STOX2: variants seen among roughly 807,000 people sequenced by gnomAD.
STOX2 encodes storkhead-box protein 2.
In STOX2, 28 loss-of-function variants were observed where a neutral mutation model predicts 60.9. The ratio of observed to expected loss-of-function variants is 0.46; its 90% CI spans 0.34 to 0.63. The LOEUF (loss-of-function observed/expected upper bound fraction) is 0.63. Among genes scored for constraint, STOX2 ranks in the 30% least tolerant of loss-of-function variants. STOX2 has a pLI of 0.01. For synonymous variants in STOX2, 472 were observed against 463.9 expected (o/e 1.02, Z -0.22); for missense variants, 1,024 against 1,187.7 (o/e 0.86, Z 2.03).
At chr4:183,861,481 A>C (rs1433827044) in intron 1 of STOX2, among the ~76,000 whole-genome samples, 1 of 152,210 alleles carries the variant, frequency 6.6e-6, no homozygotes, top group Non-Finnish European at 1.5e-5. Flanking sequence ...AGAGACAAGG[A>C]CACCTCAAAA....
At chr4:183,892,790 C>G (rs930997799) in intron 1 of STOX2, among the ~76,000 whole-genome samples, 1 of 152,008 alleles carries the variant, frequency 6.6e-6, no homozygotes, top group Non-Finnish European at 1.5e-5. Flanking sequence ...GTTCCAGAGT[C>G]TGAGTTTAGG....
chr4:183,894,582 A>G lies in STOX2; in HGVS notation c.364+96527A>G, dbSNP rs116704222. On this transcript the variant is annotated intron_variant, in intron 1 of 2. Coordinates refer to the STOX2 transcript ENST00000513034. ...TTTTTTTAACAGTTATTGAAATTTG[A>G]TAAAGCAGGAAACTATTTGAGCTTT... Among the ~76,000 whole-genome samples, 1,158 of 152,180 alleles carry G rather than the reference A, an allele frequency of 7.6e-3. 15 individuals carry two copies. The highest frequency in any genetic ancestry group is 0.027 in the African/African-American group (1,103 of 41,528).
intron 1 of STOX2, among the ~76,000 whole-genome samples, chr4:183,886,018 G>A (rs993329633): frequency 5.9e-5 from 9 of 152,306 alleles, no homozygotes; most frequent in South Asian, 2.1e-4. Context: ...TCCAGAGGGC[G>A]AAGGTTCAGA....
chr4:183,836,158 A>G lies in STOX2; in HGVS notation c.364+38103A>G, dbSNP rs1024345135. 1.3e-5 allele frequency among the ~76,000 whole-genome samples: 2 copies of G among 152,158 alleles called. No individual in the cohort carries two copies. The highest frequency in any genetic ancestry group is 4.8e-5 in the African/African-American group (2 of 41,426). ...TTCATGTGCTTTTTGGCTGTTTATC[A>G]TAGCCTTTGGAGAAATGTCTGTTCA... is the stretch of plus-strand genomic sequence containing the variant. On this transcript the variant is annotated intron_variant, in intron 1 of 2. Coordinates refer to the STOX2 transcript ENST00000513034. The surrounding 1 kb of genome is among the most constrained non-coding windows in gnomAD (Gnocchi z 4.1).
intron 1 of STOX2, among the ~76,000 whole-genome samples, chr4:183,956,712 CTA>C (rs1743261412): frequency 6.6e-6 from 1 of 152,096 alleles, no homozygotes. Flanking sequence ...ATAATATCGT[CTA>C]TAACTGTTTT....
chr4:183,995,312 TTTTTTTTTTTTG>T (rs1398166302), intron 1 of STOX2, among the ~76,000 whole-genome samples: 17 of 47,984 alleles, frequency 3.5e-4, no homozygotes, highest in South Asian at 6.4e-4. Flanking sequence ...TTTTTTTTTT[TTTTTTTTTTTTG>T]CACAAATAGA....
rs998337903 is a variant in STOX2, at chr4:184,018,446, G to C, written c.*1162G>C. 3 of 137,224 alleles carry C rather than the reference G, an allele frequency of 2.2e-5. No individual in the cohort carries two copies. The East Asian group carries it at 6.0e-4, about 27-fold the overall frequency. 8.5% of individuals were successfully genotyped at this position (137,224 alleles called of 1,614,324 possible). On this transcript the variant is annotated 3_prime_UTR_variant, in exon 4 of 4. Transcript: ENST00000308497. The stretch of plus-strand genomic sequence containing the variant: ...AGAGAAAACTTTTAAAATAATTTTT[G>C]ATTAGAAATATACATGTGCCCATGT...
intron 1 of STOX2, among the ~76,000 whole-genome samples, chr4:183,850,418 T>C (rs1358031820): frequency 9.2e-5 from 14 of 152,198 alleles, no homozygotes; most frequent in Non-Finnish European, 2.1e-4. Context: ...TTGATACTTA[T>C]GAGATTTCTT....
intron 1 of STOX2, among the ~76,000 whole-genome samples, chr4:183,824,728 T>C (rs555745486): frequency 1.3e-5 from 2 of 152,324 alleles, no homozygotes; most frequent in East Asian, 3.9e-4. Flanking sequence ...AAGATTTATT[T>C]AGTATGTATT....
chr4:183,992,494 G>A (rs1733155071), intron 1 of STOX2, among the ~76,000 whole-genome samples: 1 of 152,234 alleles, frequency 6.6e-6, no homozygotes, highest in Non-Finnish European at 1.5e-5. Context: ...GCTGCAGAAT[G>A]AACATGAAGG....
At chr4:183,956,945 G>C (rs985379723) in intron 1 of STOX2, among the ~76,000 whole-genome samples, 1 of 138,596 alleles carries the variant, frequency 7.2e-6, no homozygotes, top group Non-Finnish European at 1.5e-5. Flanking sequence ...TTTTTTGCAA[G>C]AATACTGTGT....
chr4:183,817,949 CA>C (rs1739189620), intron 1 of STOX2, among the ~76,000 whole-genome samples: 1 of 152,068 alleles, frequency 6.6e-6, no homozygotes, highest in African/African-American at 2.4e-5. Flanking sequence ...CCACCTCACG[CA>C]GCAGAACACT....
chr4:183,836,688 G>A lies in STOX2; in HGVS notation c.364+38633G>A, dbSNP rs540070777. Among the ~76,000 whole-genome samples the A allele has an allele frequency of 7.9e-5, 12 of 152,274 alleles. No homozygotes were observed. Among genetic ancestry groups the A allele is most frequent in the East Asian group, 3.9e-4 (2 of 5,178 alleles). ...ATCAGCAGTGTCCATCGCAGTCACC[G>A]TCTCCCATTTCGTGGCAGGGTCAGT... On this transcript the variant is annotated intron_variant, in intron 1 of 2. Coordinates refer to the STOX2 transcript ENST00000513034. This position sits in a 1 kb window ranked among gnomAD's most constrained non-coding sequence, Gnocchi z 4.1.
intron 1 of STOX2, among the ~76,000 whole-genome samples, chr4:183,960,075 T>A (rs1743367605): frequency 6.6e-6 from 1 of 152,224 alleles, no homozygotes; most frequent in Admixed American, 6.5e-5. Context: ...AAAAGTAATA[T>A]AACAAGCCTC....
intron 1 of STOX2, chr4:183,988,257 C>G (rs1168662739): frequency 6.6e-6 from 1 of 151,914 alleles, no homozygotes; most frequent in African/African-American, 2.4e-5. Flanking sequence ...TGATCCGTCC[C>G]TGTGACTTCA....
intron 1 of STOX2, among the ~76,000 whole-genome samples, chr4:183,852,212 A>AAAGGATGAGG (rs1740162050): frequency 8.2e-5 from 1 of 12,214 alleles, no homozygotes. Context: ...AAAGGATGAG[A>AAAGGATGAGG]GAAAGGATGA....
At chr4:183,900,229 A>G (rs1462719034) in intron 1 of STOX2, among the ~76,000 whole-genome samples, 1 of 152,224 alleles carries the variant, frequency 6.6e-6, no homozygotes, top group Non-Finnish European at 1.5e-5. Context: ...ATGGGGATGT[A>G]CAGGGAGATT....
intron 1 of STOX2, among the ~76,000 whole-genome samples, chr4:183,874,660 C>T (rs1256704111): frequency 1.3e-5 from 2 of 151,634 alleles, no homozygotes; most frequent in Non-Finnish European, 1.5e-5. Context: ...GGCGCGGTGG[C>T]TCACGCCTGT....
intron 1 of STOX2, among the ~76,000 whole-genome samples, chr4:183,855,429 C>A (rs1740263817): frequency 6.6e-6 from 1 of 152,144 alleles, no homozygotes; most frequent in Non-Finnish European, 1.5e-5. Context: ...ATGATTGCTT[C>A]AATACACTAA....
Sources: allele counts gnomAD v4.1 joint callset (sites outside exome capture counted in the v4.1 genomes callset), GRCh38; gene constraint gnomAD v4.1.1; non-coding constraint Gnocchi (gnomAD v3.1); transcripts MANE v1.5; gene names NCBI Gene and HGNC (gene_info 2026-07-23, HGNC 2026-07-21).